The following ZFHX3 variants were observed in gnomAD, a reference collection of about 807,000 sequenced individuals.
ZFHX3 encodes zinc finger homeobox 3, also known as zinc finger homeobox protein 3.
In ZFHX3, 42 loss-of-function variants were observed where a neutral mutation model predicts 279.1. That is an observed-to-expected ratio of 0.15 (90% CI 0.12 to 0.19). The LOEUF (loss-of-function observed/expected upper bound fraction) is 0.19, where lower values mean the gene tolerates loss of function less well. Ranked by LOEUF, ZFHX3 falls within the 10% of genes least tolerant of loss-of-function variation. ZFHX3 has a pLI of 1.00. For synonymous variants in ZFHX3, 2,293 were observed against 1,957.8 expected, an observed-to-expected ratio of 1.17 and a Z score of -4.52; for missense variants, 4,981 against 4,754.0, an observed-to-expected ratio of 1.05 and a Z score of -1.40.
intron 3 of ZFHX3, among the ~76,000 whole-genome samples, chr16:73,389,743 G>A (rs1253576498): frequency 1.3e-5 from 2 of 152,236 alleles, no homozygotes; most frequent in East Asian, 3.9e-4. Context: ...TTTGGGGCCA[G>A]TCAGGAAAAG....
chr16:72,822,382 A>C (rs1053744198), intron 5 of ZFHX3, among the ~76,000 whole-genome samples: 1 of 152,218 alleles, frequency 6.6e-6, no homozygotes, highest in Admixed American at 6.5e-5. Context: ...CTCAGAAGGC[A>C]AATTGGGATT....
chr16:73,107,693 C>A (rs942224840), intron 7 of ZFHX3, among the ~76,000 whole-genome samples: 1 of 152,164 alleles, frequency 6.6e-6, no homozygotes, highest in Non-Finnish European at 1.5e-5. Context: ...GGTTTGGAAC[C>A]CCAAGCACCT....
At chr16:73,369,700 CT>C (rs1342534705) in intron 3 of ZFHX3, among the ~76,000 whole-genome samples, 1 of 152,132 alleles carries the variant, frequency 6.6e-6, no homozygotes, top group Non-Finnish European at 1.5e-5. Flanking sequence ...GCTCTTGCTC[CT>C]GAAGATTTGG....
At chr16:73,738,619 T>C (rs75099091) in intron 1 of ZFHX3, among the ~76,000 whole-genome samples, 4,850 of 152,296 alleles carry the variant, frequency 0.032, 100 homozygotes, top group Non-Finnish European at 0.05. Flanking sequence ...TCTTTTATGC[T>C]AGAGTTCCAC....
At chr16:73,023,153 G>A (rs776312816) in intron 1 of ZFHX3, among the ~76,000 whole-genome samples, 5 of 152,178 alleles carry the variant, frequency 3.3e-5, no homozygotes, top group Non-Finnish European at 5.9e-5. Context: ...CTTGAACCTC[G>A]GAGGCAGAGG....
At chr16:73,096,808 A>T (rs1966170007) in intron 7 of ZFHX3, among the ~76,000 whole-genome samples, 1 of 152,112 alleles carries the variant, frequency 6.6e-6, no homozygotes, top group Non-Finnish European at 1.5e-5. Context: ...AGGCAGAAGT[A>T]TGCCCGGGAG....
intron 4 of ZFHX3, among the ~76,000 whole-genome samples, chr16:73,315,929 G>A (rs1186445034): frequency 1.3e-5 from 2 of 152,202 alleles, no homozygotes; most frequent in Non-Finnish European, 2.9e-5. Flanking sequence ...TGCTCAGCCT[G>A]AAAGTCAAGG....
intron 1 of ZFHX3, among the ~76,000 whole-genome samples, chr16:73,793,729 G>C (rs1007084666): frequency 1.3e-5 from 2 of 152,120 alleles, no homozygotes; most frequent in Non-Finnish European, 2.9e-5. Flanking sequence ...GAAAAGTTAG[G>C]TTTGGAATGA....
chr16:73,180,054 A>C (rs1967758277), intron 5 of ZFHX3, among the ~76,000 whole-genome samples: 1 of 152,226 alleles, frequency 6.6e-6, no homozygotes, highest in South Asian at 2.1e-4. Flanking sequence ...GGAGATATTT[A>C]CTGATTAAAA....
intron 5 of ZFHX3, among the ~76,000 whole-genome samples, chr16:72,823,104 G>C (rs1378482668): frequency 6.6e-6 from 1 of 152,166 alleles, no homozygotes; most frequent in East Asian, 1.9e-4. Flanking sequence ...TGGGGAGTGA[G>C]AGAAGGGGGC....
intron 1 of ZFHX3, among the ~76,000 whole-genome samples, chr16:73,698,135 G>A (rs1251059126): frequency 1.3e-5 from 2 of 151,754 alleles, no homozygotes; most frequent in African/African-American, 2.4e-5. Flanking sequence ...TTTGGTAATT[G>A]TACCATGGTT....
intron 8 of ZFHX3, among the ~76,000 whole-genome samples, chr16:73,074,156 G>T (rs532734049): frequency 2.0e-5 from 3 of 152,300 alleles, no homozygotes; most frequent in African/African-American, 7.2e-5. Context: ...CTTTATTGTG[G>T]CATCTTTCAA....
At chr16:73,131,383 G>A (rs1347606905) in intron 6 of ZFHX3, among the ~76,000 whole-genome samples, 1 of 152,208 alleles carries the variant, frequency 6.6e-6, no homozygotes, top group East Asian at 1.9e-4. Context: ...GTAGGTTCTA[G>A]TAAGAATCCA....
At chr16:73,787,526 T>A (rs1959683644) in intron 1 of ZFHX3, among the ~76,000 whole-genome samples, 2 of 152,186 alleles carry the variant, frequency 1.3e-5, no homozygotes, top group South Asian at 4.1e-4. Flanking sequence ...AAAATCCTCA[T>A]GCCACCATTA....
chr16:72,863,590 T>C (rs2037940490), intron 4 of ZFHX3, among the ~76,000 whole-genome samples: 1 of 151,992 alleles, frequency 6.6e-6, no homozygotes, highest in South Asian at 2.1e-4. Context: ...CCAAGATTTG[T>C]TTGAAAATAA....
At chr16:73,637,949 G>C (rs1360027253) in intron 2 of ZFHX3, among the ~76,000 whole-genome samples, 2 of 152,102 alleles carry the variant, frequency 1.3e-5, no homozygotes, top group African/African-American at 2.4e-5. Flanking sequence ...GTAAATAAAG[G>C]CTTGAAAATA....
At chr16:73,797,921 CT>C (rs1960042252) in intron 1 of ZFHX3, among the ~76,000 whole-genome samples, 1 of 141,200 alleles carries the variant, frequency 7.1e-6, no homozygotes, top group Admixed American at 7.9e-5. Flanking sequence ...TCAAGTGATT[CT>C]CCTGCCTCAG....
At chr16:73,858,523 C>T (rs1961798910) in intron 1 of ZFHX3, among the ~76,000 whole-genome samples, 1 of 152,202 alleles carries the variant, frequency 6.6e-6, no homozygotes. Context: ...ATTTTAGGGC[C>T]TTGCATAGCA....
At chr16:73,106,959 C>A (rs1023121531) in intron 7 of ZFHX3, among the ~76,000 whole-genome samples, 1 of 152,134 alleles carries the variant, frequency 6.6e-6, no homozygotes, top group Non-Finnish European at 1.5e-5. Flanking sequence ...TCCATCTAAC[C>A]GGTTAGCAGG....
Sources: gnomAD v4.1 joint callset for allele counts (sites outside exome capture counted in the v4.1 genomes callset) on GRCh38, gnomAD v4.1.1 for gene constraint, MANE v1.5 for transcripts, NCBI Gene and HGNC (gene_info 2026-07-23, HGNC 2026-07-21) for gene names.